USP40: variants seen among roughly 807,000 people sequenced by gnomAD.
USP40 encodes ubiquitin carboxyl-terminal hydrolase 40.
A neutral mutation model predicts 166.2 loss-of-function variants in USP40; 143 were observed. That is an observed-to-expected ratio of 0.86 (90% CI 0.75 to 0.99). USP40 has a LOEUF of 0.99. Ranked by LOEUF, USP40 falls within the 50% of genes least tolerant of loss-of-function variation. The pLI, the probability that USP40 is intolerant of heterozygous loss-of-function variation, is 0.00. For missense variants in USP40, 1,444 were observed against 1,479.7 expected (o/e 0.98, Z 0.40); for synonymous variants, 498 against 524.0 (o/e 0.95, Z 0.68).
chr2:233,563,726 T>C lies in USP40; in HGVS notation c.200-923A>G, dbSNP rs2071871116. 2.0e-5 allele frequency among the ~76,000 whole-genome samples: 3 copies of C among 152,316 alleles called. No homozygotes were observed. The South Asian group carries it at 6.2e-4, about 32-fold the overall frequency. On this transcript the variant is annotated intron_variant, in intron 2 of 31. Coordinates refer to ENST00000678225, the MANE Select transcript of USP40 (RefSeq NM_001365479.2). ...GCCAGTTCTCTGACAGTCCTTATTCTTTCCAAATTATACCTCCCTGTCAGT... is the reference window on the plus strand; with the variant it reads ...GCCAGTTCTCTGACAGTCCTTATTCCTTCCAAATTATACCTCCCTGTCAGT...
chr2:233,559,997 A>T, intron 3 of USP40, 73 bp from the exon 4 acceptor site: 1 of 1,047,016 alleles, frequency 9.6e-7, no homozygotes, highest in Non-Finnish European at 1.4e-6. Context: ...ACAACTGCAT[A>T]CTAGCTTTTT....
intron 18 of USP40, among the ~76,000 whole-genome samples, chr2:233,517,788 GT>G (rs2067337704): frequency 1.0e-5 from 1 of 98,636 alleles, no homozygotes; most frequent in Non-Finnish European, 2.1e-5. Context: ...TGTGGTGTGT[GT>G]GTGTGTGTGT....
chr2:233,539,944 G>T (rs1291688953), intron 10 of USP40, among the ~76,000 whole-genome samples: 1 of 151,862 alleles, frequency 6.6e-6, no homozygotes, highest in Non-Finnish European at 1.5e-5. Flanking sequence ...GACCAGCCTG[G>T]GTGACATGGC....
At chr2:233,520,395 T>C (rs939361314) in intron 17 of USP40, among the ~76,000 whole-genome samples, 2 of 151,888 alleles carry the variant, frequency 1.3e-5, no homozygotes, top group Admixed American at 1.3e-4. Context: ...AATATTTATA[T>C]AAAAGAAAAC....
At chr2:233,556,774 G>C in intron 5 of USP40, 81 bp downstream of exon 5, 1 of 1,291,638 alleles carries the variant, frequency 7.7e-7, no homozygotes, top group Non-Finnish European at 1.0e-6. Context: ...TTTAATCCTT[G>C]TGTGGTATAT....
Position 233,506,740 on chromosome 2 carries a change from C to CAAAAAAAA in USP40, c.2613+3301_2613+3308dup, listed in dbSNP as rs1227656570. On this transcript the variant is annotated intron_variant, in intron 21 of 31. Transcript: ENST00000678225. ...TGAGACACTGCCTCTACCGAAAATA[C>CAAAAAAAA]AAAAAAAAAAAAAAAAAAAAAATAG... 6.5e-3 allele frequency among the ~76,000 whole-genome samples: 338 copies of CAAAAAAAA among 51,852 alleles called. 2 individuals carry two copies. The highest frequency in any genetic ancestry group is 0.037 in the East Asian group (62 of 1,684). 34.0% of individuals were successfully genotyped at this position (51,852 alleles called of 152,430 possible).
chr2:233,545,275 G>A (rs867280426), intron 8 of USP40, among the ~76,000 whole-genome samples: 8 of 152,154 alleles, frequency 5.3e-5, no homozygotes, highest in Non-Finnish European at 7.3e-5. Context: ...GAGGGAAGAG[G>A]CAAACCGGCA....
At chr2:233,542,547 AC>A (rs1380863759) in intron 8 of USP40, 184 bp from the exon 9 acceptor site, 1 of 461,184 alleles carries the variant, frequency 2.2e-6, no homozygotes, top group African/African-American at 2.0e-5. Flanking sequence ...AGCACACTCT[AC>A]AAAAAGATAA....
At chr2:233,507,155 T>C (rs1097930) in intron 21 of USP40, among the ~76,000 whole-genome samples, 41,791 of 151,906 alleles carry the variant, frequency 0.28, 6,642 homozygotes, top group African/African-American at 0.45. Context: ...TGGCTACTAT[T>C]AAAAAAACAA....
intron 18 of USP40, among the ~76,000 whole-genome samples, chr2:233,517,401 T>C (rs1420342312): frequency 6.7e-6 from 1 of 150,352 alleles, no homozygotes; most frequent in Non-Finnish European, 1.5e-5. Flanking sequence ...TTTTTTTTTT[T>C]TGAGACGGAG....
chr2:233,507,379 T>C (rs1420590907), intron 21 of USP40, among the ~76,000 whole-genome samples: 2 of 152,188 alleles, frequency 1.3e-5, no homozygotes, highest in African/African-American at 4.8e-5. Context: ...ACTCCCATGT[T>C]TAATGGAGCA....
chr2:233,510,071 T>C lies in USP40; in HGVS notation c.2591A>G (p.Glu864Gly), dbSNP rs199622950. The C allele has an allele frequency of 1.1e-4, 175 of 1,596,992 alleles. No individual in the cohort carries two copies. The African/African-American group carries it at 2.0e-3, about 18-fold the overall frequency. ...QPGTEMEIVV[E>G]ETISVRDCLK... ...TACATCTCTCACAGATATTGTTTCT[T>C]CTACTACGATTTCCATTTCTGTCCC... Residue 864 changes from glutamate to glycine, a missense_variant, in exon 21 of 32, where the codon GAA (glutamate) becomes GGA (glycine). Coordinates refer to ENST00000678225, the MANE Select transcript of USP40 (RefSeq NM_001365479.2).
At chr2:233,495,179 G>A (rs554290343) in intron 24 of USP40, among the ~76,000 whole-genome samples, 2 of 151,106 alleles carry the variant, frequency 1.3e-5, no homozygotes, top group Admixed American at 6.6e-5. Context: ...CATACACTAG[G>A]AGATAAAATA....
At chr2:233,495,494 C>A (rs555529408) in intron 24 of USP40, among the ~76,000 whole-genome samples, 1 of 151,810 alleles carries the variant, frequency 6.6e-6, no homozygotes, top group African/African-American at 2.4e-5. Flanking sequence ...TGAGCTCAAG[C>A]GATTTGCCTG....
intron 21 of USP40, among the ~76,000 whole-genome samples, chr2:233,506,579 G>A (rs1221401303): frequency 1.3e-5 from 2 of 152,064 alleles, no homozygotes; most frequent in Non-Finnish European, 1.5e-5. Flanking sequence ...CAGAATGGGA[G>A]AAAATGTTTG....
At chr2:233,526,700 C>G (rs1292272318) in intron 13 of USP40, among the ~76,000 whole-genome samples, 2 of 151,846 alleles carry the variant, frequency 1.3e-5, no homozygotes, top group Non-Finnish European at 2.9e-5. Context: ...AGAAAAAAAC[C>G]CTAGATGAAG....
intron 21 of USP40, among the ~76,000 whole-genome samples, chr2:233,506,052 C>T (rs980569842): frequency 3.3e-5 from 5 of 152,100 alleles, no homozygotes; most frequent in Admixed American, 1.3e-4. Flanking sequence ...CAATTGTGAG[C>T]AAAAAGAACA....
At chr2:233,539,212 C>CAAAA (rs56701014) in intron 10 of USP40, among the ~76,000 whole-genome samples, 6 of 146,972 alleles carry the variant, frequency 4.1e-5, no homozygotes, top group African/African-American at 1.2e-4. Flanking sequence ...ATAGAAAAGG[C>CAAAA]AAAAAAAAAA....
chr2:233,504,143 G>A (rs555987031), intron 21 of USP40, among the ~76,000 whole-genome samples: 1 of 151,852 alleles, frequency 6.6e-6, no homozygotes, highest in South Asian at 2.1e-4. Context: ...CACAAAGAAA[G>A]ACATGACAGA....
Sources: allele counts gnomAD v4.1 joint callset (sites outside exome capture counted in the v4.1 genomes callset), GRCh38; gene constraint gnomAD v4.1.1; transcripts MANE v1.5; gene names NCBI Gene and HGNC (gene_info 2026-07-23, HGNC 2026-07-21).